Variants in PDE8B observed in about 807,000 individuals in gnomAD.
The protein encoded by PDE8B is phosphodiesterase 8B, also known as high affinity cAMP-specific and IBMX-insensitive 3',5'-cyclic phosphodiesterase 8B.
A neutral mutation model predicts 101.3 loss-of-function variants in PDE8B; 26 were observed. The ratio of observed to expected loss-of-function variants is 0.26; its 90% CI spans 0.19 to 0.36. PDE8B has a LOEUF of 0.36. Ranked by LOEUF, PDE8B falls within the 10% of genes least tolerant of loss-of-function variation. The pLI, the probability that PDE8B is intolerant of heterozygous loss-of-function variation, is 1.00. For missense variants in PDE8B, 810 were observed against 1,163.1 expected (o/e 0.70, Z 4.42); for synonymous variants, 424 against 429.3 (o/e 0.99, Z 0.15).
intron 2 of PDE8B, among the ~76,000 whole-genome samples, chr5:77,317,168 T>C (rs1357033203): frequency 6.6e-6 from 1 of 152,132 alleles, no homozygotes; most frequent in African/African-American, 2.4e-5. Flanking sequence ...CACACTAACT[T>C]TCAGTGTATT....
At chr5:77,339,508 A>T (rs190879077) in intron 6 of PDE8B, among the ~76,000 whole-genome samples, 1 of 152,224 alleles carries the variant, frequency 6.6e-6, no homozygotes, top group Non-Finnish European at 1.5e-5. Context: ...ATCTAGGCCC[A>T]GCAGATAGGG....
At chr5:77,375,128 C>G (rs114699779) in intron 10 of PDE8B, among the ~76,000 whole-genome samples, 148 of 152,328 alleles carry the variant, frequency 9.7e-4, no homozygotes, top group African/African-American at 3.5e-3. Flanking sequence ...GTGCCATTGC[C>G]CCTGATGTGG....
At chr5:77,171,282 C>T in the PDE8B span, among the ~76,000 whole-genome samples, 8,181 of 152,132 alleles carry the variant, frequency 0.054, 590 homozygotes, top group East Asian at 0.38. Context: ...GGCACTTTGT[C>T]CTATTTAGGG....
chr5:77,344,007 C>G (rs1033088509), intron 6 of PDE8B, among the ~76,000 whole-genome samples: 2 of 151,902 alleles, frequency 1.3e-5, no homozygotes, highest in African/African-American at 2.4e-5. Flanking sequence ...CTGGAAGGTC[C>G]TCAGGGGCAA....
At chr5:77,353,260 T>C in intron 9 of PDE8B, 86 bp from the exon 10 acceptor site, 1 of 819,508 alleles carries the variant, frequency 1.2e-6, no homozygotes. Flanking sequence ...GGAGTTTAGC[T>C]TTAAGAAGTC....
chr5:77,298,061 A>G (rs950199525), intron 1 of PDE8B, among the ~76,000 whole-genome samples: 1 of 152,168 alleles, frequency 6.6e-6, no homozygotes, highest in African/African-American at 2.4e-5. Flanking sequence ...AGTATCTGGC[A>G]CATAATAGAT....
At chr5:77,328,881 C>T (rs544677511) in intron 3 of PDE8B, 117 bp from the exon 4 acceptor site, 39 of 791,356 alleles carry the variant, frequency 4.9e-5, no homozygotes, top group South Asian at 2.9e-4. Flanking sequence ...TGTTTTGAGA[C>T]GTTTTCTTTA....
At chr5:77,359,501 T>A (rs1439507475) in intron 10 of PDE8B, among the ~76,000 whole-genome samples, 1 of 152,188 alleles carries the variant, frequency 6.6e-6, no homozygotes, top group Non-Finnish European at 1.5e-5. Context: ...TGGGGTTTTT[T>A]GACCCGTCTG....
At chr5:77,089,742 T>C in the PDE8B span, among the ~76,000 whole-genome samples, 3 of 152,220 alleles carry the variant, frequency 2.0e-5, no homozygotes, top group Non-Finnish European at 4.4e-5. Flanking sequence ...GTATGGCGGC[T>C]TCTCAGAAAA....
chr5:77,262,099 T>C (rs1327484743), intron 1 of PDE8B, among the ~76,000 whole-genome samples: 1 of 152,048 alleles, frequency 6.6e-6, no homozygotes, highest in Non-Finnish European at 1.5e-5. Context: ...AAAGCATAAA[T>C]AGTAACAGTA....
chr5:77,235,792 T>C (rs924416286), intron 1 of PDE8B, among the ~76,000 whole-genome samples: 1 of 151,758 alleles, frequency 6.6e-6, no homozygotes, highest in Non-Finnish European at 1.5e-5. Flanking sequence ...CAGTCAATGT[T>C]TGAGACACTG....
At chr5:77,297,415 G>A (rs1438632146) in intron 1 of PDE8B, among the ~76,000 whole-genome samples, 1 of 151,884 alleles carries the variant, frequency 6.6e-6, no homozygotes, top group African/African-American at 2.4e-5. Context: ...TCATCTGGAA[G>A]GCCAGTCATT....
intron 10 of PDE8B, among the ~76,000 whole-genome samples, chr5:77,375,659 C>T (rs777652327): frequency 2.6e-5 from 4 of 152,084 alleles, no homozygotes; most frequent in Non-Finnish European, 5.9e-5. Context: ...TCACAAAATG[C>T]CACTCACAGT....
chr5:77,365,949 C>T (rs897738369), intron 10 of PDE8B, among the ~76,000 whole-genome samples: 1 of 152,174 alleles, frequency 6.6e-6, no homozygotes, highest in African/African-American at 2.4e-5. Flanking sequence ...CAGGGCCTGA[C>T]CTGAAGGCAC....
chr5:77,421,932 C>G lies in PDE8B; in HGVS notation c.2362C>G (p.Pro788Ala). The change falls in exon 20 of 22, where the codon CCC (proline) becomes GCC (alanine). Residue 788 changes from proline (P) to alanine (A), a missense_variant. Physicochemically the swap from Pro to Ala is conservative, Grantham distance 27. Around this residue, in one of 4 missense-constraint regions of PDE8B, gnomAD observed 325 missense variants for 560.9 expected, o/e 0.58. Transcript: ENST00000264917. ...TGCTGACGTGGCCAACCCATGCCGCCCCTTGGACCTGTGCATTGAATGGGC... is the reference window on the plus strand; with the variant it reads ...TGCTGACGTGGCCAACCCATGCCGCGCCTTGGACCTGTGCATTGAATGGGC... The part of the protein sequence containing the change: ...KCADVANPCR[P>A]LDLCIEWAGR... 6.2e-7 allele frequency: 1 copy of G among 1,614,136 alleles called. No homozygotes were observed. Among genetic ancestry groups the G allele is most frequent in the African/African-American group, 1.3e-5 (1 of 75,036 alleles).
intron 17 of PDE8B, among the ~76,000 whole-genome samples, chr5:77,415,560 T>C (rs1438897813): frequency 6.6e-6 from 1 of 152,096 alleles, no homozygotes; most frequent in Non-Finnish European, 1.5e-5. Context: ...GGTTTCACCA[T>C]GTTGGTCAGG....
rs1295023016 is a variant in PDE8B at position 77,427,073 on chromosome 5, A to T, written c.*519A>T. The T allele has an allele frequency of 6.2e-6, 1 of 162,306 alleles. No individual in the cohort carries two copies. The highest frequency in any genetic ancestry group is 2.4e-5 in the African/African-American group (1 of 41,470). 10.1% of individuals were successfully genotyped at this position (162,306 alleles called of 1,614,324 possible). A position where few individuals can be genotyped will look rare whatever the true frequency, so the allele number is the denominator to read the frequency against. On this transcript the variant is annotated 3_prime_UTR_variant, in exon 22 of 22. Transcript: ENST00000264917. ...AAAACGACATAAAATAAGTGAAACA[A>T]CTAGGACCAAATTACAGATAAACTA...
the PDE8B span, chr5:77,115,265 C>T: frequency 1.3e-5 from 2 of 152,180 alleles, no homozygotes; most frequent in Non-Finnish European, 2.9e-5. Flanking sequence ...GAGGAATGGA[C>T]TATATCTTCT....
At chr5:77,127,392 A>C in the PDE8B span, among the ~76,000 whole-genome samples, 4,991 of 152,206 alleles carry the variant, frequency 0.033, 184 homozygotes, top group African/African-American at 0.089. Flanking sequence ...CACCCTGTGA[A>C]GGTCTTTGCT....
Sources: gnomAD v4.1 joint callset for allele counts (sites outside exome capture counted in the v4.1 genomes callset) on GRCh38, gnomAD v4.1.1 for gene constraint, gnomAD v4.1.1 regional missense constraint, MANE v1.5 for transcripts, NCBI Gene and HGNC (gene_info 2026-07-23, HGNC 2026-07-21) for gene names.